Variants in ACSS3 observed in about 807,000 individuals in gnomAD.
The protein encoded by ACSS3 is acyl-CoA synthetase short-chain family member 3, mitochondrial.
A neutral mutation model predicts 84.2 loss-of-function variants in ACSS3; 64 were observed. That is an observed-to-expected ratio of 0.76 (90% confidence interval 0.62 to 0.94). ACSS3 has a LOEUF of 0.94. Ranked by LOEUF, ACSS3 falls within the 40% of genes least tolerant of loss-of-function variation. The pLI, the probability that ACSS3 is intolerant of heterozygous loss-of-function variation, is 0.00. For synonymous variants in ACSS3, 317 were observed against 310.1 expected, an observed-to-expected ratio of 1.02 and a Z score of -0.23; for missense variants, 815 against 867.6, an observed-to-expected ratio of 0.94 and a Z score of 0.76.
Position 81,108,921 on chromosome 12 carries a change from G to A in ACSS3, c.312-639G>A, listed in dbSNP as rs368778325. Among the ~76,000 whole-genome samples, 26 of 152,114 alleles carry A rather than the reference G, an allele frequency of 1.7e-4. No individual in the cohort carries two copies. In the East Asian group the frequency reaches 1.9e-3, roughly 11 times the overall value. On this transcript the variant is annotated intron_variant, in intron 1 of 15. Coordinates refer to ENST00000548058, the MANE Select transcript of ACSS3 (RefSeq NM_024560.4). The stretch of plus-strand genomic sequence containing the variant: ...CTACATGGTTTCTGTGTTTTCGAAG[G>A]AAAACATTGATCGATTAAGAGATGA...
chr12:81,098,936 G>A (rs10862237), intron 1 of ACSS3, among the ~76,000 whole-genome samples: 49,416 of 151,968 alleles, frequency 0.33, 8,303 homozygotes, highest in Admixed American at 0.45. Flanking sequence ...ACCAGTCTTC[G>A]TTTTGAGAGT....
intron 8 of ACSS3, among the ~76,000 whole-genome samples, chr12:81,176,949 A>G (rs971271154): frequency 1.3e-5 from 2 of 152,214 alleles, no homozygotes; most frequent in South Asian, 2.1e-4. Context: ...CGAGCAGCAC[A>G]TCAAAAAGCT....
chr12:81,161,433 C>G (rs931953990), intron 7 of ACSS3, among the ~76,000 whole-genome samples: 2 of 152,186 alleles, frequency 1.3e-5, no homozygotes, highest in East Asian at 3.9e-4. Context: ...AATTCCCTGG[C>G]TCACCATTAC....
At chr12:81,183,499 C>T (rs1864349621) in intron 8 of ACSS3, among the ~76,000 whole-genome samples, 1 of 151,996 alleles carries the variant, frequency 6.6e-6, no homozygotes, top group African/African-American at 2.4e-5. Context: ...GGATTTTGTT[C>T]CCTAACCAAA....
rs767084093 is a variant in ACSS3, at chr12:81,174,968, C to T, written c.1250+29C>T. Reference sequence around the variant, plus strand: ...ACGTTGGGATGCACAGGGCAAATGACATTAGAAAGTGCAATCAAAATGAAT... The same window carrying T: ...ACGTTGGGATGCACAGGGCAAATGATATTAGAAAGTGCAATCAAAATGAAT... On this transcript the variant is annotated intron_variant, in intron 8 of 15. Coordinates refer to ENST00000548058, the MANE Select transcript of ACSS3 (RefSeq NM_024560.4). 2.5e-6 allele frequency: 4 copies of T among 1,600,200 alleles called. No homozygotes were observed. The East Asian group carries it at 6.7e-5, about 27-fold the overall frequency.
chr12:81,134,933 G>A lies in ACSS3; in HGVS notation c.574G>A (p.Gly192Ser), dbSNP rs533755775. The change falls in exon 3 of 16, where the codon GGT becomes AGT. Residue 192 changes from glycine to serine, a missense_variant. Transcript: ENST00000548058. ...TACCATGTTGGCATGTGCAAGGATAGGTGCCATCCACAGTCTCATATTTGG... is the reference window on the plus strand; with the variant it reads ...TACCATGTTGGCATGTGCAAGGATAAGTGCCATCCACAGTCTCATATTTGG... The part of the protein sequence containing the change: ...MYTMLACARI[G>S]AIHSLIFGGF... 6.2e-7 allele frequency: 1 copy of A among 1,606,932 alleles called. No homozygotes were observed. Among genetic ancestry groups the A allele is most frequent in the Non-Finnish European group, 8.5e-7 (1 of 1,176,112 alleles).
chr12:81,201,418 A>T (rs2032103020), intron 9 of ACSS3, among the ~76,000 whole-genome samples: 1 of 152,218 alleles, frequency 6.6e-6, no homozygotes, highest in Non-Finnish European at 1.5e-5. Flanking sequence ...TAGCACATTC[A>T]CAAATAAAAT....
Position 81,134,895 on chromosome 12 carries a change from C to T in ACSS3, c.536C>T (p.Pro179Leu). The part of the protein sequence containing the change: ...DTVVIYMPMI[P>L]QAMYTMLACA... ...GTGGTTATCTACATGCCTATGATCCCACAGGCGATGTATACCATGTTGGCA... is the reference window on the plus strand; with the variant it reads ...GTGGTTATCTACATGCCTATGATCCTACAGGCGATGTATACCATGTTGGCA... The change falls in exon 3 of 16, where the codon CCA (proline) becomes CTA (leucine). Residue 179 changes from proline to leucine, a missense_variant. By Grantham distance (98) the Pro-to-Leu change is moderately conservative (BLOSUM62 -3). Coordinates refer to ENST00000548058, the MANE Select transcript of ACSS3 (RefSeq NM_024560.4). 1 of 1,604,832 alleles carries T rather than the reference C, an allele frequency of 6.2e-7. No individual in the cohort carries two copies. The highest frequency in any genetic ancestry group is 8.5e-7 in the Non-Finnish European group (1 of 1,175,050).
At chr12:81,220,157 T>A in intron 11 of ACSS3, 81 bp downstream of exon 11, 4 of 725,192 alleles carry the variant, frequency 5.5e-6, no homozygotes, top group Non-Finnish European at 8.5e-6. Context: ...CATTGCAGTG[T>A]TACTGCTACT....
rs1414050534 is a variant in ACSS3, at chr12:81,143,260, T to G, written c.921+13T>G. On this transcript the variant is annotated intron_variant, in intron 5 of 15. Transcript: ENST00000548058. The stretch of plus-strand genomic sequence containing the variant: ...GGGGTTACCTAAGGTACTCACTCTC[T>G]TAGAGATAACTATCTATAGCAGTAG... 2 of 1,568,594 alleles carry G rather than the reference T, an allele frequency of 1.3e-6. No homozygotes were observed. Among genetic ancestry groups the G allele is most frequent in the South Asian group, 2.3e-5 (2 of 85,632 alleles).
At chr12:81,136,088 C>A (rs1324865581) in intron 3 of ACSS3, among the ~76,000 whole-genome samples, 1 of 152,074 alleles carries the variant, frequency 6.6e-6, no homozygotes, top group African/African-American at 2.4e-5. Flanking sequence ...GTTTTACAAT[C>A]CATATACTTC....
At chr12:81,086,432 C>T (rs12298943) in intron 1 of ACSS3, among the ~76,000 whole-genome samples, 9,947 of 152,122 alleles carry the variant, frequency 0.065, 806 homozygotes, top group African/African-American at 0.19. Context: ...GGTACTGTGC[C>T]GTATCTAATT....
intron 11 of ACSS3, among the ~76,000 whole-genome samples, chr12:81,221,378 T>G (rs568492682): frequency 6.6e-6 from 1 of 152,206 alleles, no homozygotes; most frequent in Non-Finnish European, 1.5e-5. Flanking sequence ...AAGAACTCAT[T>G]ACTTGGCATT....
intron 13 of ACSS3, among the ~76,000 whole-genome samples, chr12:81,248,145 G>T (rs1436358333): frequency 6.6e-6 from 1 of 151,942 alleles, no homozygotes; most frequent in Non-Finnish European, 1.5e-5. Flanking sequence ...AAATAGCATG[G>T]AGATTTTTCG....
chr12:81,158,878 T>C (rs1370889414), intron 7 of ACSS3, among the ~76,000 whole-genome samples: 1 of 152,160 alleles, frequency 6.6e-6, no homozygotes, highest in Non-Finnish European at 1.5e-5. Flanking sequence ...TAGGCTCCTT[T>C]GATGTGTTCG....
intron 5 of ACSS3, 110 bp downstream of exon 5, chr12:81,143,357 G>A: frequency 1.7e-6 from 2 of 1,194,182 alleles, no homozygotes; most frequent in Non-Finnish European, 2.2e-6. Flanking sequence ...AGTTTAGAGA[G>A]TTACTTCATT....
At chr12:81,229,471 T>A (rs2135965739) in intron 11 of ACSS3, among the ~76,000 whole-genome samples, 1 of 152,010 alleles carries the variant, frequency 6.6e-6, no homozygotes, top group South Asian at 2.1e-4. Context: ...TTTCAATGCT[T>A]AAAAAATCGA....
intron 9 of ACSS3, among the ~76,000 whole-genome samples, chr12:81,204,350 C>T (rs1403654677): frequency 6.0e-5 from 9 of 150,226 alleles, no homozygotes; most frequent in Non-Finnish European, 1.0e-4. Context: ...CCTTCCTTCC[C>T]TCCCTTCCTC....
intron 9 of ACSS3, among the ~76,000 whole-genome samples, chr12:81,207,455 G>A (rs928111157): frequency 1.3e-5 from 2 of 152,088 alleles, no homozygotes; most frequent in Non-Finnish European, 2.9e-5. Flanking sequence ...TATAGCCAAG[G>A]GCAAATCCTT....
Sources: allele counts gnomAD v4.1 joint callset (sites outside exome capture counted in the v4.1 genomes callset), GRCh38; gene constraint gnomAD v4.1.1; transcripts MANE v1.5; gene names NCBI Gene and HGNC (gene_info 2026-07-23, HGNC 2026-07-21).